The following LGR5 variants were observed in gnomAD, a reference collection of about 807,000 sequenced individuals.
LGR5 encodes the protein leucine-rich repeat-containing G protein-coupled receptor 5.
Under a neutral mutation model 76.7 loss-of-function variants are expected in LGR5, and 54 were observed. The observed-to-expected ratio is 0.70, with a 90% CI of 0.57 to 0.88. The LOEUF (loss-of-function observed/expected upper bound fraction) is 0.88. Among genes scored for constraint, LGR5 ranks in the 40% least tolerant of loss-of-function variants. The pLI is 0.00. For missense variants in LGR5, 1,078 were observed against 1,073.3 expected (o/e 1.00, Z -0.06); for synonymous variants, 406 against 421.9 (o/e 0.96, Z 0.46).
intron 4 of LGR5, among the ~76,000 whole-genome samples, chr12:71,546,964 C>T (rs936457576): frequency 6.6e-5 from 10 of 152,092 alleles, no homozygotes; most frequent in African/African-American, 2.4e-4. Flanking sequence ...GAGAGGCAAC[C>T]ACTGGGACCG....
chr12:71,540,712 G>A (rs140559950), intron 4 of LGR5, among the ~76,000 whole-genome samples: 144 of 152,250 alleles, frequency 9.5e-4, no homozygotes, highest in African/African-American at 3.4e-3. Flanking sequence ...CTAGAACCAG[G>A]AGCAGTTTTC....
chr12:71,521,301 C>A (rs191480264), intron 2 of LGR5, among the ~76,000 whole-genome samples: 6 of 152,318 alleles, frequency 3.9e-5, no homozygotes, highest in Non-Finnish European at 7.4e-5. Flanking sequence ...CCTTGACTTT[C>A]AGAGGAAACC....
chr12:71,499,270 G>T (rs927791151), intron 1 of LGR5, among the ~76,000 whole-genome samples: 9 of 152,096 alleles, frequency 5.9e-5, no homozygotes, highest in African/African-American at 1.9e-4. Flanking sequence ...AGGACTGGAG[G>T]TTGAAATAGA....
intron 3 of LGR5, among the ~76,000 whole-genome samples, chr12:71,532,345 C>T (rs1322733243): frequency 6.6e-6 from 1 of 152,106 alleles, no homozygotes; most frequent in Non-Finnish European, 1.5e-5. Context: ...TTCAATTCTC[C>T]TAATTCCCTA....
intron 1 of LGR5, among the ~76,000 whole-genome samples, chr12:71,499,626 G>A (rs555699290): frequency 9.2e-4 from 140 of 152,236 alleles, no homozygotes; most frequent in Admixed American, 1.6e-3. Context: ...TATGGCTACC[G>A]TTGGACAGGT....
chr12:71,494,094 C>T (rs373381637), intron 1 of LGR5, among the ~76,000 whole-genome samples: 1 of 150,700 alleles, frequency 6.6e-6, no homozygotes, highest in East Asian at 1.9e-4. Flanking sequence ...CAGGCACCTG[C>T]CACCATGCCC....
In LGR5 at chr12:71,552,784, T is replaced by C. The variant is rs572184163; in HGVS notation, c.429-289T>C. On this transcript the variant is annotated intron_variant, in intron 4 of 17. Transcript: ENST00000266674. ...AAAAGATCATCACACTGAAACTCCA[T>C]ACCTCAGGGGAGGCCACTTCCATCC... Among the ~76,000 whole-genome samples the C allele has an allele frequency of 2.6e-5, 4 of 152,192 alleles. No homozygotes were observed. In the East Asian group the frequency reaches 5.8e-4, roughly 22 times the overall value.
chr12:71,447,198 T>C (rs1194759600), intron 1 of LGR5, among the ~76,000 whole-genome samples: 1 of 152,204 alleles, frequency 6.6e-6, no homozygotes, highest in East Asian at 1.9e-4. Flanking sequence ...CAAAGTTTTA[T>C]CAAATCCCCC....
At position 71,440,049 on chromosome 12, in the gene LGR5, C is replaced by T. The variant is rs1408824383; in HGVS notation, c.-32C>T. ...GCAGTCCGGTGCTGCTCTCCGCCCG[C>T]GTCCGGCTCGTGGCCCCCTACTTCG... On this transcript the variant is annotated 5_prime_UTR_variant, in exon 1 of 18. Transcript: ENST00000266674. The surrounding 1 kb of genome is among the most constrained non-coding windows in gnomAD (Gnocchi z 5.3). The T allele has an allele frequency of 1.3e-6, 2 of 1,591,530 alleles. No individual in the cohort carries two copies. The highest frequency in any genetic ancestry group is 1.7e-6 in the Non-Finnish European group (2 of 1,173,810).
chr12:71,580,487 T>G lies in LGR5; in HGVS notation c.1552+64T>G. On this transcript the variant is annotated intron_variant, in intron 16 of 17. Transcript: ENST00000266674. ...GTTCAGTGGAACACATGGAAATGAATTATGTTTGATGAAAAGTCATCGAAC... is the reference window on the plus strand; with the variant it reads ...GTTCAGTGGAACACATGGAAATGAAGTATGTTTGATGAAAAGTCATCGAAC... 4 of 1,514,588 alleles carry G rather than the reference T, an allele frequency of 2.6e-6. No individual in the cohort carries two copies. The South Asian group carries it at 4.8e-5, about 18-fold the overall frequency. 93.8% of individuals were successfully genotyped at this position (1,514,588 alleles called of 1,614,324 possible).
chr12:71,447,849 A>G (rs1045535821), intron 1 of LGR5, among the ~76,000 whole-genome samples: 4 of 152,194 alleles, frequency 2.6e-5, no homozygotes, highest in Non-Finnish European at 5.9e-5. Flanking sequence ...GCAGAAGACA[A>G]TCGTCCTGGC....
intron 1 of LGR5, among the ~76,000 whole-genome samples, chr12:71,470,523 T>C (rs1262243010): frequency 2.0e-5 from 3 of 152,176 alleles, no homozygotes; most frequent in Non-Finnish European, 4.4e-5. Context: ...TCTATAGATA[T>C]GTCTACATAC....
rs768279382 is a variant in LGR5, at chr12:71,582,445, T to C, written c.1553-11T>C. On this transcript the variant is annotated splice_polypyrimidine_tract_variant and intron_variant, in intron 16 of 17. Transcript: ENST00000266674. ...TCAGAACTAATCATTCCAGGACTTCTTGTGCTGCAGATGAACGTGACCTTG... is the reference window on the plus strand; with the variant it reads ...TCAGAACTAATCATTCCAGGACTTCCTGTGCTGCAGATGAACGTGACCTTG... 48 of 1,612,826 alleles carry C rather than the reference T, an allele frequency of 3.0e-5. No individual in the cohort carries two copies. Among genetic ancestry groups the C allele is most frequent in the Non-Finnish European group, 3.8e-5 (45 of 1,178,934 alleles).
chr12:71,536,429 A>G (rs186780299), intron 4 of LGR5, among the ~76,000 whole-genome samples: 9 of 152,328 alleles, frequency 5.9e-5, no homozygotes, highest in African/African-American at 1.7e-4. Context: ...TCACCAGCCT[A>G]TAGATAAACA....
chr12:71,482,399 T>C (rs1235948688), intron 1 of LGR5, among the ~76,000 whole-genome samples: 1 of 152,120 alleles, frequency 6.6e-6, no homozygotes. Flanking sequence ...TGTAGATGGC[T>C]CTCTTCTCTT....
chr12:71,557,906 C>T (rs1877855456), intron 6 of LGR5, among the ~76,000 whole-genome samples: 1 of 152,222 alleles, frequency 6.6e-6, no homozygotes, highest in Admixed American at 6.5e-5. Flanking sequence ...GACCACTTCT[C>T]CTGTGCCCTT....
chr12:71,533,490 A>G (rs1876432596), intron 3 of LGR5, among the ~76,000 whole-genome samples: 1 of 152,198 alleles, frequency 6.6e-6, no homozygotes, highest in Non-Finnish European at 1.5e-5. Context: ...CCTTCCTCAG[A>G]CCTACTAAAC....
chr12:71,551,149 C>T (rs1433644108), intron 4 of LGR5, among the ~76,000 whole-genome samples: 1 of 152,174 alleles, frequency 6.6e-6, no homozygotes, highest in Non-Finnish European at 1.5e-5. Flanking sequence ...TTAAAATTTG[C>T]TCCAAGTGAC....
rs1471255775 is a variant in LGR5 at position 71,561,852 on chromosome 12, T to C, written c.857T>C (p.Ile286Thr). 8 of 1,571,134 alleles carry C rather than the reference T, an allele frequency of 5.1e-6. No homozygotes were observed. The highest frequency in any genetic ancestry group is 2.7e-5 in the African/African-American group (2 of 73,974). ...GTAGGCAACCCTTCTCTTATTACAA[T>C]GTAAGTGACCATAATGCTTTTCGGT... ...AFVGNPSLIT[I>T]HFYDNPIQFV... The change falls in exon 8 of 18, where the codon ATA becomes ACA. Residue 286 changes from isoleucine (I) to threonine (T), a missense_variant and splice_region_variant. Ile to Thr is a moderately conservative substitution (Grantham distance 89). Coordinates refer to ENST00000266674, the MANE Select transcript of LGR5 (RefSeq NM_003667.4).
Sources: allele counts gnomAD v4.1 joint callset (sites outside exome capture counted in the v4.1 genomes callset), GRCh38; gene constraint gnomAD v4.1.1; non-coding constraint Gnocchi (gnomAD v3.1); transcripts MANE v1.5; gene names NCBI Gene and HGNC (gene_info 2026-07-23, HGNC 2026-07-21).